Variants in GRIA2 observed in about 807,000 individuals in gnomAD.
GRIA2 encodes the protein glutamate receptor 2.
GRIA2 carries 14 observed loss-of-function variants against 97.3 expected under a neutral mutation model. The observed-to-expected ratio is 0.14, with a 90% CI of 0.10 to 0.23. The LOEUF (loss-of-function observed/expected upper bound fraction) is 0.23, where lower values mean the gene tolerates loss of function less well. GRIA2 is among the 10% of genes least tolerant of loss of function. The pLI is 1.00. For missense variants in GRIA2, 558 were observed against 1,069.8 expected, an observed-to-expected ratio of 0.52 and a Z score of 6.67; for synonymous variants, 412 against 387.8, an observed-to-expected ratio of 1.06 and a Z score of -0.73.
At chr4:157,280,187 G>A (rs72962847) in intron 2 of GRIA2, among the ~76,000 whole-genome samples, 13 of 152,044 alleles carry the variant, frequency 8.6e-5, no homozygotes, top group Non-Finnish European at 1.5e-4. Flanking sequence ...CTTGTCATTT[G>A]GCTAAAGATA....
chr4:157,221,320 A>G (rs1729482577), intron 1 of GRIA2, 190 bp downstream of exon 1: 1 of 571,076 alleles, frequency 1.8e-6, no homozygotes. Context: ...CTTTGATACA[A>G]TAGAAGAAAA....
chr4:157,341,204 C>G, intron 11 of GRIA2, 60 bp from the exon 12 acceptor site: 1 of 1,127,226 alleles, frequency 8.9e-7, no homozygotes, highest in Middle Eastern at 2.0e-4. Context: ...ATACTGCTAA[C>G]TTGTTTTTTT....
intron 2 of GRIA2, among the ~76,000 whole-genome samples, chr4:157,233,273 G>A (rs79752670): frequency 0.05 from 7,582 of 152,094 alleles, 319 homozygotes; most frequent in African/African-American, 0.11. Context: ...GGTGTTACTC[G>A]AGTAGTACTT....
At chr4:157,340,589 G>A (rs887846043) in intron 11 of GRIA2, among the ~76,000 whole-genome samples, 1 of 151,148 alleles carries the variant, frequency 6.6e-6, no homozygotes, top group African/African-American at 2.4e-5. Flanking sequence ...TTTTTTTTGA[G>A]CAGGACACAT....
At chr4:157,237,027 A>C (rs1032798676) in intron 2 of GRIA2, among the ~76,000 whole-genome samples, 1 of 152,126 alleles carries the variant, frequency 6.6e-6, no homozygotes, top group Non-Finnish European at 1.5e-5. Context: ...AAATTTAGAA[A>C]TTGTTTGCTT....
intron 5 of GRIA2, among the ~76,000 whole-genome samples, chr4:157,319,747 T>A (rs1355655620): frequency 2.0e-5 from 3 of 152,132 alleles, no homozygotes; most frequent in African/African-American, 4.8e-5. Context: ...GAAGATTTTT[T>A]AAAAATCTGC....
intron 6 of GRIA2, among the ~76,000 whole-genome samples, chr4:157,328,713 C>T (rs1203830891): frequency 6.6e-6 from 1 of 151,706 alleles, no homozygotes; most frequent in Non-Finnish European, 1.5e-5. Context: ...ATCTAAAGTT[C>T]CTGAATATAA....
chr4:157,320,922 G>A (rs1734533292), intron 5 of GRIA2, among the ~76,000 whole-genome samples: 1 of 151,926 alleles, frequency 6.6e-6, no homozygotes, highest in Non-Finnish European at 1.5e-5. Context: ...TTAGCTTCTG[G>A]CTGAATGTGA....
intron 2 of GRIA2, among the ~76,000 whole-genome samples, chr4:157,271,925 C>T (rs1374895137): frequency 6.6e-6 from 1 of 152,038 alleles, no homozygotes; most frequent in Non-Finnish European, 1.5e-5. Flanking sequence ...ACTTTCTGTG[C>T]TTTATTCCTG....
intron 6 of GRIA2, among the ~76,000 whole-genome samples, chr4:157,322,938 T>G (rs1025429974): frequency 6.6e-6 from 1 of 152,212 alleles, no homozygotes; most frequent in Non-Finnish European, 1.5e-5. Flanking sequence ...CTTTTAATTT[T>G]TAAGTCAATT....
chr4:157,322,150 C>G (rs1579361874), intron 6 of GRIA2, among the ~76,000 whole-genome samples: 1 of 151,024 alleles, frequency 6.6e-6, no homozygotes, highest in Non-Finnish European at 1.5e-5. Context: ...CTTCAAAAAG[C>G]CAACTTGCAG....
chr4:157,253,811 T>C (rs1024241998), intron 2 of GRIA2, among the ~76,000 whole-genome samples: 3 of 152,108 alleles, frequency 2.0e-5, no homozygotes, highest in Admixed American at 6.6e-5. Flanking sequence ...AGCTCATTAA[T>C]GTTTGTTATT....
At chr4:157,287,474 G>C (rs1352399683) in intron 2 of GRIA2, among the ~76,000 whole-genome samples, 4 of 151,562 alleles carry the variant, frequency 2.6e-5, no homozygotes, top group African/African-American at 9.7e-5. Flanking sequence ...TAATCTGTTG[G>C]AATCCTAGGT....
At chr4:157,235,780 A>G (rs1469578264) in intron 2 of GRIA2, among the ~76,000 whole-genome samples, 1 of 152,060 alleles carries the variant, frequency 6.6e-6, no homozygotes, top group Non-Finnish European at 1.5e-5. Context: ...AAATCAGTTT[A>G]AACTGGCATA....
intron 2 of GRIA2, among the ~76,000 whole-genome samples, chr4:157,294,675 C>A (rs1733261994): frequency 6.6e-6 from 1 of 152,074 alleles, no homozygotes. Context: ...TCTAGAATTT[C>A]TCTCTTTGAT....
chr4:157,341,581 C>A (rs1414948003), intron 12 of GRIA2, 119 bp downstream of exon 12: 1 of 675,604 alleles, frequency 1.5e-6, no homozygotes, highest in Non-Finnish European at 2.6e-6. Flanking sequence ...AATTCTATTT[C>A]TTTTCTTGAC....
At chr4:157,357,756 A>T (rs1015875823) in intron 12 of GRIA2, among the ~76,000 whole-genome samples, 1 of 152,180 alleles carries the variant, frequency 6.6e-6, no homozygotes, top group Non-Finnish European at 1.5e-5. Context: ...GACAGCGATC[A>T]ACAGCTGAGA....
chr4:157,352,952 G>C (rs1224798436), intron 12 of GRIA2, among the ~76,000 whole-genome samples: 1 of 151,412 alleles, frequency 6.6e-6, no homozygotes, highest in Non-Finnish European at 1.5e-5. Flanking sequence ...CCAGCTACCG[G>C]AGAGGCTGAG....
intron 2 of GRIA2, among the ~76,000 whole-genome samples, chr4:157,294,390 A>G (rs985209248): frequency 6.6e-6 from 1 of 151,976 alleles, no homozygotes; most frequent in African/African-American, 2.4e-5. Context: ...TTAAGATCAG[A>G]CAAGAGATTG....
Sources: allele counts gnomAD v4.1 joint callset (sites outside exome capture counted in the v4.1 genomes callset), GRCh38; gene constraint gnomAD v4.1.1; transcripts MANE v1.5; gene names NCBI Gene and HGNC (gene_info 2026-07-23, HGNC 2026-07-21).